Variants in SHANK1 observed in about 807,000 individuals in gnomAD.
The protein encoded by SHANK1 is SH3 and multiple ankyrin repeat domains protein 1.
Under a neutral mutation model 165.6 loss-of-function variants are expected in SHANK1, and 35 were observed. The ratio of observed to expected loss-of-function variants is 0.21; its 90% CI spans 0.16 to 0.28. The LOEUF is 0.28. Ranked by LOEUF, SHANK1 falls within the 10% of genes least tolerant of loss-of-function variation. The pLI, the probability that SHANK1 is intolerant of heterozygous loss-of-function variation, is 1.00. For synonymous variants in SHANK1, 1,428 were observed against 1,384.8 expected (o/e 1.03, Z -0.69); for missense variants, 2,681 against 3,036.4 (o/e 0.88, Z 2.75).
At position 50,662,856 on chromosome 19, in the gene SHANK1, C is replaced by T. The variant is rs1433870118; in HGVS notation, c.5769-174G>A. Among the ~76,000 whole-genome samples, 6 of 151,310 alleles carry T rather than the reference C, an allele frequency of 4.0e-5. No homozygotes were observed. Among genetic ancestry groups the T allele is most frequent in the Non-Finnish European group, 8.8e-5 (6 of 67,856 alleles). ...AGGGAGCAAGGGGTAAGACGGCCGG[C>T]CGTCGAGGAAAGAAATGAAGGGAGA... On this transcript the variant is annotated intron_variant, in intron 23 of 23. Coordinates refer to ENST00000293441, the MANE Select transcript of SHANK1 (RefSeq NM_016148.5). The surrounding 1 kb of genome is among the most constrained non-coding windows in gnomAD (Gnocchi z 7.7).
rs780389849 is a variant in SHANK1, at chr19:50,686,767, C to T, written c.2435G>A (p.Arg812Gln). The change falls in exon 20 of 24, where the codon CGG (arginine) becomes CAG (glutamine). Residue 812 changes from arginine to glutamine, a missense_variant. By Grantham distance (43) the Arg-to-Gln change is conservative (BLOSUM62 1). Transcript: ENST00000293441. The surrounding 1 kb of genome is among the most constrained non-coding windows in gnomAD (Gnocchi z 5.7). ...ACTGAGAGCCATCTGATACACGGTC[C>T]GCTTTTTCTCCATGCTGGGCACCGG... ...PAPVPSMEKK[R>Q]TVYQMALNKL... is the part of the protein sequence containing the mutation. 4.3e-6 allele frequency: 7 copies of T among 1,613,702 alleles called. No individual in the cohort carries two copies. Among genetic ancestry groups the T allele is most frequent in the Admixed American group, 3.3e-5 (2 of 59,982 alleles).
In SHANK1 at chr19:50,669,138, G is replaced by A; in HGVS notation, c.2822C>T (p.Ser941Phe). Residue 941 changes from serine to phenylalanine, a missense_variant, in exon 23 of 24, where the codon TCC becomes TTC. Around this residue, in one of 10 missense-constraint regions of SHANK1, gnomAD observed 1,713 missense variants for 1,630.2 expected, o/e 1.05. Coordinates refer to ENST00000293441, the MANE Select transcript of SHANK1 (RefSeq NM_016148.5). Reference protein sequence around the residue: ...PPYSTPPVPSSSGRLTPSPRG... With the variant: ...PPYSTPPVPSFSGRLTPSPRG... ...AGGGGAGGGGGTGAGGCGCCCTGAG[G>A]AGGAGGGGACTGGAGGTGTGCTGTA... 6.4e-7 allele frequency: 1 copy of A among 1,559,446 alleles called. No homozygotes were observed. Among genetic ancestry groups the A allele is most frequent in the Non-Finnish European group, 8.7e-7 (1 of 1,153,056 alleles).
Position 50,713,172 on chromosome 19 carries a change from A to T in SHANK1, c.792+626T>A, listed in dbSNP as rs974067730. ...CAATGGCTGTCTTTGGGGGCAGCCC[A>T]TCCTGACCCTCATGTGAAGAGCAAT... On this transcript the variant is annotated intron_variant, in intron 6 of 23. Transcript: ENST00000293441. The surrounding 1 kb of genome is among the most constrained non-coding windows in gnomAD (Gnocchi z 6.2). Among the ~76,000 whole-genome samples, 5 of 152,184 alleles carry T rather than the reference A, an allele frequency of 3.3e-5. No homozygotes were observed.
intron 21 of SHANK1, among the ~76,000 whole-genome samples, chr19:50,675,783 T>C (rs557031033): frequency 6.6e-6 from 1 of 152,170 alleles, no homozygotes; most frequent in Admixed American, 6.5e-5. Context: ...GGGTGGATCA[T>C]TTGAGGTCAG....
In SHANK1 at chr19:50,716,535, G is replaced by A. The variant is rs2089071784; in HGVS notation, c.256-57C>T. 2 of 1,598,136 alleles carry A rather than the reference G, an allele frequency of 1.3e-6. No homozygotes were observed. The highest frequency in any genetic ancestry group is 2.2e-5 in the South Asian group (2 of 89,306). On this transcript the variant is annotated intron_variant, in intron 2 of 23. Coordinates refer to ENST00000293441, the MANE Select transcript of SHANK1 (RefSeq NM_016148.5). This position sits in a 1 kb window ranked among gnomAD's most constrained non-coding sequence, Gnocchi z 8.4. ...GCCAGGGGCCAGAGGAGAGCCTGAG[G>A]TGGGTTGGGAAGTGAGCCAGGAGCT...
chr19:50,687,169 C>T, intron 19 of SHANK1: 1 of 532,898 alleles, frequency 1.9e-6, no homozygotes, highest in Non-Finnish European at 3.3e-6. Flanking sequence ...CGACCAGCCC[C>T]CTGTCAGGGG....
At position 50,718,676 on chromosome 19, in the gene SHANK1, G is replaced by A. The variant is rs1445510002; in HGVS notation, c.-44+730C>T. Among the ~76,000 whole-genome samples, 1 of 151,154 alleles carries A rather than the reference G, an allele frequency of 6.6e-6. No homozygotes were observed. The highest frequency in any genetic ancestry group is 1.5e-5 in the Non-Finnish European group (1 of 67,642). The stretch of plus-strand genomic sequence containing the variant: ...GGGGTGCCCTGGGAGGCTGTGGGGG[G>A]ACAGGGGGCGGCTGGCGTGGCCGAG... On this transcript the variant is annotated intron_variant, in intron 1 of 23. Coordinates refer to ENST00000293441, the MANE Select transcript of SHANK1 (RefSeq NM_016148.5). The surrounding 1 kb of genome is among the most constrained non-coding windows in gnomAD (Gnocchi z 5.1).
Position 50,716,830 on chromosome 19 carries a change from T to G in SHANK1, c.90A>C (p.Pro30=). 1 of 1,566,866 alleles carries G rather than the reference T, an allele frequency of 6.4e-7. No homozygotes were observed. Among genetic ancestry groups the G allele is most frequent in the Non-Finnish European group, 8.6e-7 (1 of 1,161,400 alleles). Residue 30 remains proline (P), a synonymous_variant, in exon 2 of 24, where the codon CCA becomes CCC. Coordinates refer to ENST00000293441, the MANE Select transcript of SHANK1 (RefSeq NM_016148.5). This position sits in a 1 kb window ranked among gnomAD's most constrained non-coding sequence, Gnocchi z 8.4. Reference sequence around the variant, plus strand: ...CCCGGGGGCCTCGACCTGGCCCGTCTGGGGAGCTGTCGGACTCTGAGCCCC... The same window carrying G: ...CCCGGGGGCCTCGACCTGGCCCGTCGGGGGAGCTGTCGGACTCTGAGCCCC... ...PEGGSESDSS[P]DGPGRGPRGT... is the part of the protein sequence containing the mutation.
rs374250396 is a variant in SHANK1, at chr19:50,713,885, C to G, written c.705G>C (p.Leu235=). The G allele has an allele frequency of 1.7e-5, 27 of 1,613,838 alleles. No homozygotes were observed. In the African/African-American group the frequency reaches 3.6e-4, roughly 22 times the overall value. The change falls in exon 6 of 24, where the codon CTG becomes CTC. Residue 235 remains leucine, a synonymous_variant. Coordinates refer to ENST00000293441, the MANE Select transcript of SHANK1 (RefSeq NM_016148.5). This position sits in a 1 kb window ranked among gnomAD's most constrained non-coding sequence, Gnocchi z 6.2. ...CCCGGAAGTCAATGTGGGCCCCGCC[C>G]AGGCACAGGGTTCGAATCACCTCTA... ...GSVEVIRTLC[L]GGAHIDFRAR...
intron 15 of SHANK1, among the ~76,000 whole-genome samples, chr19:50,696,267 T>TG (rs552671626): frequency 1.3e-4 from 20 of 152,110 alleles, no homozygotes; most frequent in South Asian, 2.1e-4. Context: ...GCTCGGGGTG[T>TG]GGGGGGGTGT....
In SHANK1 at chr19:50,667,865, C is replaced by T. The variant is rs1280237008; in HGVS notation, c.4095G>A (p.Lys1365=). 2.8e-5 allele frequency: 37 copies of T among 1,315,616 alleles called. No homozygotes were observed. The highest frequency in any genetic ancestry group is 4.2e-5 in the Admixed American group (1 of 24,024). The allele number at this position is 1,315,616 out of a possible 1,614,324, so 81.5% of individuals were successfully genotyped here. A position where few individuals can be genotyped will look rare whatever the true frequency, so the allele number is the denominator to read the frequency against. Reference sequence around the variant, plus strand: ...GGGCCCCGCCGCCCTCCGAGGACTCCTTCAGCGCTCGCTCGCGGGCGGCCA... The same window carrying T: ...GGGCCCCGCCGCCCTCCGAGGACTCTTTCAGCGCTCGCTCGCGGGCGGCCA... The part of the protein sequence containing the change: ...LALAARERAL[K]ESSEGGGAPQ... The change falls in exon 23 of 24, where the codon AAG becomes AAA. Residue 1365 remains lysine, a synonymous_variant. Transcript: ENST00000293441. This position sits in a 1 kb window ranked among gnomAD's most constrained non-coding sequence, Gnocchi z 5.7.
chr19:50,707,234 G>A (rs1179954504), intron 8 of SHANK1, among the ~76,000 whole-genome samples: 2 of 152,128 alleles, frequency 1.3e-5, no homozygotes, highest in Non-Finnish European at 2.9e-5. Flanking sequence ...TTGTACAGGG[G>A]CATGATTTTG....
chr19:50,686,297 A>T lies in SHANK1; in HGVS notation c.2517T>A (p.Pro839=). The change falls in exon 21 of 24, where the codon CCT becomes CCA. Residue 839 remains proline, a synonymous_variant. Coordinates refer to ENST00000293441, the MANE Select transcript of SHANK1 (RefSeq NM_016148.5). This position sits in a 1 kb window ranked among gnomAD's most constrained non-coding sequence, Gnocchi z 5.7. ...AQQTISASES[P]GPGGLASLGK... Reference sequence around the variant, plus strand: ...CCAGGGACGCGAGGCCACCGGGACCAGGGCTTTCGCTTGCACTGATGGTCT... The same window carrying T: ...CCAGGGACGCGAGGCCACCGGGACCTGGGCTTTCGCTTGCACTGATGGTCT... 1.2e-6 allele frequency: 2 copies of T among 1,607,688 alleles called. No homozygotes were observed. Among genetic ancestry groups the T allele is most frequent in the Non-Finnish European group, 1.7e-6 (2 of 1,176,630 alleles).
chr19:50,709,101 A>G (rs1241116158), intron 8 of SHANK1, among the ~76,000 whole-genome samples: 1 of 152,146 alleles, frequency 6.6e-6, no homozygotes, highest in African/African-American at 2.4e-5. Flanking sequence ...AGGCAAGCAA[A>G]CCTATTAACC....
At chr19:50,696,501 ACTCTTCC>A (rs1399778706) in intron 15 of SHANK1, among the ~76,000 whole-genome samples, 1 of 150,090 alleles carries the variant, frequency 6.7e-6, no homozygotes, top group African/African-American at 2.5e-5. Flanking sequence ...GCACAAGGGG[ACTCTTCC>A]CTGGATTGGG....
Position 50,669,139 on chromosome 19 carries a change from A to C in SHANK1, c.2821T>G (p.Ser941Ala). ...PPYSTPPVPSSSGRLTPSPRG... is the reference protein window; with the variant it reads ...PPYSTPPVPSASGRLTPSPRG... ...GGGGAGGGGGTGAGGCGCCCTGAGG[A>C]GGAGGGGACTGGAGGTGTGCTGTAG... Residue 941 changes from serine to alanine, a missense_variant, in exon 23 of 24, where the codon TCC becomes GCC. By Grantham distance (99) the Ser-to-Ala change is moderately conservative. Around this residue, in one of 10 missense-constraint regions of SHANK1, gnomAD observed 1,713 missense variants for 1,630.2 expected, o/e 1.05. Coordinates refer to ENST00000293441, the MANE Select transcript of SHANK1 (RefSeq NM_016148.5). The C allele has an allele frequency of 6.5e-7, 1 of 1,535,870 alleles. No homozygotes were observed. Among genetic ancestry groups the C allele is most frequent in the Non-Finnish European group, 8.7e-7 (1 of 1,144,184 alleles).
At chr19:50,710,442 C>T (rs1165086867) in intron 8 of SHANK1, among the ~76,000 whole-genome samples, 1 of 152,196 alleles carries the variant, frequency 6.6e-6, no homozygotes, top group Non-Finnish European at 1.5e-5. Context: ...CCACCAGCTG[C>T]CCTTCAAGGG....
At position 50,713,371 on chromosome 19, in the gene SHANK1, G is replaced by A. The variant is rs1313143212; in HGVS notation, c.792+427C>T. ...ATGTGAGAGAGGAGGGAGGGGAGCT[G>A]GTGCAGTGCTGGTTTGGAAGGGTAG... On this transcript the variant is annotated intron_variant, in intron 6 of 23. Transcript: ENST00000293441. This position sits in a 1 kb window ranked among gnomAD's most constrained non-coding sequence, Gnocchi z 6.2. Among the ~76,000 whole-genome samples, 1 of 151,982 alleles carries A rather than the reference G, an allele frequency of 6.6e-6. No homozygotes were observed. Among genetic ancestry groups the A allele is most frequent in the Non-Finnish European group, 1.5e-5 (1 of 67,988 alleles).
intron 8 of SHANK1, among the ~76,000 whole-genome samples, chr19:50,705,966 G>T (rs189638514): frequency 1.3e-5 from 2 of 152,108 alleles, no homozygotes; most frequent in Non-Finnish European, 2.9e-5. Context: ...AGACCAGCCT[G>T]GGCAACATGG....
Sources: gnomAD v4.1 joint callset for allele counts (sites outside exome capture counted in the v4.1 genomes callset) on GRCh38, gnomAD v4.1.1 for gene constraint, gnomAD v4.1.1 regional missense constraint, Gnocchi (gnomAD v3.1) non-coding constraint, MANE v1.5 for transcripts, NCBI Gene and HGNC (gene_info 2026-07-23, HGNC 2026-07-21) for gene names.